The following ALG9 variants were observed in gnomAD, a reference collection of about 807,000 sequenced individuals.
The protein encoded by ALG9 is ALG9 alpha-1,2-mannosyltransferase.
In ALG9, 55 loss-of-function variants were observed where a neutral mutation model predicts 81.8. The observed-to-expected ratio is 0.67, with a 90% confidence interval of 0.54 to 0.84. The LOEUF (loss-of-function observed/expected upper bound fraction) is 0.84, where lower values mean the gene tolerates loss of function less well. Among genes scored for constraint, ALG9 ranks in the 40% least tolerant of loss-of-function variants. The pLI is 0.00. For missense variants in ALG9, 629 were observed against 745.0 expected, an observed-to-expected ratio of 0.84 and a Z score of 1.81; for synonymous variants, 278 against 274.3, an observed-to-expected ratio of 1.01 and a Z score of -0.13.
At chr11:111,833,370 T>C (rs1302040350) in intron 13 of ALG9, among the ~76,000 whole-genome samples, 1 of 152,152 alleles carries the variant, frequency 6.6e-6, no homozygotes, top group African/African-American at 2.4e-5. Flanking sequence ...AGATATTCAA[T>C]AGCTACTCAA....
At chr11:111,809,907 A>G (rs1422572083) in intron 13 of ALG9, 134 bp from the exon 14 acceptor site, 1 of 998,180 alleles carries the variant, frequency 1.0e-6, no homozygotes, top group Non-Finnish European at 1.6e-6. Context: ...AATGTTGCCT[A>G]TGCTCTCTCC....
chr11:111,814,673 A>T lies in ALG9; in HGVS notation c.1603-4900T>A, dbSNP rs1181232049. ...TTCTCTCCCAGCATTATTTATATGTAAAAAAGACTTCAGTCTCACATCTGT... is the reference window on the plus strand; with the variant it reads ...TTCTCTCCCAGCATTATTTATATGTTAAAAAGACTTCAGTCTCACATCTGT... On this transcript the variant is annotated intron_variant, in intron 13 of 14. Transcript: ENST00000616540. The T allele has an allele frequency of 2.6e-5, 4 of 152,306 alleles. No individual in the cohort carries two copies. The East Asian group carries it at 7.7e-4, about 29-fold the overall frequency. 9.4% of individuals were successfully genotyped at this position (152,306 alleles called of 1,614,324 possible).
intron 14 of ALG9, chr11:111,805,110 G>T: frequency 2.8e-6 from 1 of 359,992 alleles, no homozygotes; most frequent in South Asian, 2.1e-5. Context: ...GATGGTATTT[G>T]GAGGTGGGCC....
At chr11:111,843,962 T>A (rs561475503) in intron 9 of ALG9, among the ~76,000 whole-genome samples, 57 of 152,350 alleles carry the variant, frequency 3.7e-4, no homozygotes, top group African/African-American at 1.3e-3. Context: ...CAGGTTAATA[T>A]ACACTTCTTT....
rs781940499 is a variant in ALG9 at position 111,809,735 on chromosome 11, G to A, written c.1641C>T (p.Asp547=). ...ISKCHYLVDL[D]TMRETPREPK... is the part of the protein sequence containing the mutation. ...GCTCCCGGGGTGTTTCTCTCATGGTGTCCAAATCCACTAAATAATGGCATT... is the reference window on the plus strand; with the variant it reads ...GCTCCCGGGGTGTTTCTCTCATGGTATCCAAATCCACTAAATAATGGCATT... Residue 547 remains aspartate, a synonymous_variant, in exon 14 of 15, where the codon GAC becomes GAT. Transcript: ENST00000616540. The A allele has an allele frequency of 3.1e-6, 5 of 1,613,940 alleles. No individual in the cohort carries two copies. The highest frequency in any genetic ancestry group is 1.7e-5 in the Admixed American group (1 of 59,988).
At chr11:111,820,964 T>C (rs1184240505) in intron 13 of ALG9, among the ~76,000 whole-genome samples, 1 of 151,378 alleles carries the variant, frequency 6.6e-6, no homozygotes, top group Non-Finnish European at 1.5e-5. Flanking sequence ...GGTATGGTGG[T>C]GTGCACCTGT....
Position 111,838,006 on chromosome 11 carries a change from G to GAA in ALG9, c.1324+241_1324+242dup, listed in dbSNP as rs1364540223. The stretch of plus-strand genomic sequence containing the variant: ...CTTAATTTATCAGCATCCATTAAAA[G>GAA]AAAAAAACAACAAAAATAGACAAAA... On this transcript the variant is annotated intron_variant, in intron 11 of 14. Transcript: ENST00000616540. Among the ~76,000 whole-genome samples the GAA allele has an allele frequency of 2.6e-5, 4 of 151,946 alleles. No individual in the cohort carries two copies. The East Asian group carries it at 7.7e-4, about 29-fold the overall frequency.
Position 111,784,822 on chromosome 11 carries a change from T to G in ALG9, c.*1575A>C, listed in dbSNP as rs1243453190. 1.3e-5 allele frequency: 2 copies of G among 152,226 alleles called. No individual in the cohort carries two copies. The highest frequency in any genetic ancestry group is 6.5e-5 in the Admixed American group (1 of 15,274). 9.4% of individuals were successfully genotyped at this position (152,226 alleles called of 1,614,324 possible). A position where few individuals can be genotyped will look rare whatever the true frequency, so the allele number is the denominator to read the frequency against. ...TTAGGGAAATAAGGCACCTATAATG[T>G]GACCCCAGATTGACTACAGGAATAG... On this transcript the variant is annotated 3_prime_UTR_variant, in exon 15 of 15. Transcript: ENST00000616540.
the ALG9 span, among the ~76,000 whole-genome samples, chr11:111,776,033 C>T: frequency 6.6e-6 from 1 of 151,990 alleles, no homozygotes; most frequent in Non-Finnish European, 1.5e-5. Context: ...GTTGTTGTGA[C>T]GACTATGTGA....
At chr11:111,776,034 G>A in the ALG9 span, among the ~76,000 whole-genome samples, 1,002 of 152,160 alleles carry the variant, frequency 6.6e-3, 8 homozygotes, top group Middle Eastern at 0.054. Context: ...TTGTTGTGAC[G>A]ACTATGTGAG....
chr11:111,868,462 G>T, intron 3 of ALG9, 140 bp downstream of exon 3: 1 of 1,084,470 alleles, frequency 9.2e-7, no homozygotes, highest in Non-Finnish European at 1.3e-6. Flanking sequence ...AATGCTTGTT[G>T]AATGGTGAAT....
intron 14 of ALG9, among the ~76,000 whole-genome samples, chr11:111,797,012 G>A (rs1037143072): frequency 2.0e-5 from 3 of 152,170 alleles, no homozygotes; most frequent in Admixed American, 6.5e-5. Context: ...ACTACTGCAT[G>A]TACTATATGC....
intron 6 of ALG9, among the ~76,000 whole-genome samples, chr11:111,854,546 C>T (rs1240988271): frequency 6.6e-6 from 1 of 152,192 alleles, no homozygotes; most frequent in Non-Finnish European, 1.5e-5. Flanking sequence ...GCTGGAATTA[C>T]AGGCATGAGC....
chr11:111,846,143 A>C (rs1430976325), intron 8 of ALG9, among the ~76,000 whole-genome samples: 1 of 152,210 alleles, frequency 6.6e-6, no homozygotes, highest in Non-Finnish European at 1.5e-5. Flanking sequence ...ATTTAACAAC[A>C]TTATTTTTTA....
chr11:111,869,347 C>G (rs1227458949), intron 2 of ALG9, among the ~76,000 whole-genome samples: 2 of 152,042 alleles, frequency 1.3e-5, no homozygotes, highest in Middle Eastern at 3.4e-3. Context: ...AAAATTTTAC[C>G]TTTGAATTTT....
chr11:111,839,341 T>C (rs1206664319), intron 10 of ALG9, among the ~76,000 whole-genome samples: 1 of 152,004 alleles, frequency 6.6e-6, no homozygotes, highest in African/African-American at 2.4e-5. Context: ...ATCCCAGCAC[T>C]TTGGGAGGCC....
chr11:111,823,803 C>T (rs1555106069), intron 13 of ALG9, among the ~76,000 whole-genome samples: 1 of 152,246 alleles, frequency 6.6e-6, no homozygotes, highest in East Asian at 1.9e-4. Flanking sequence ...TCCCTTCCCA[C>T]TGTTCACATT....
chr11:111,860,660 G>C, intron 4 of ALG9, 25 bp from the exon 5 acceptor site: 1 of 1,562,892 alleles, frequency 6.4e-7, no homozygotes, highest in Non-Finnish European at 8.8e-7. Flanking sequence ...AAGACTATCA[G>C]CATTGAGAAT....
intron 8 of ALG9, among the ~76,000 whole-genome samples, chr11:111,852,108 G>C (rs547971240): frequency 6.6e-6 from 1 of 152,252 alleles, no homozygotes; most frequent in Admixed American, 6.5e-5. Context: ...AAATGGCACA[G>C]GCAAATGATG....
Sources: allele counts gnomAD v4.1 joint callset (sites outside exome capture counted in the v4.1 genomes callset), GRCh38; gene constraint gnomAD v4.1.1; transcripts MANE v1.5; gene names NCBI Gene and HGNC (gene_info 2026-07-23, HGNC 2026-07-21).